LARP4B: variants seen among roughly 807,000 people sequenced by gnomAD.
The protein encoded by LARP4B is la-related protein 4B.
A neutral mutation model predicts 89.8 loss-of-function variants in LARP4B; 12 were observed. The observed-to-expected ratio is 0.13, with a 90% CI of 0.09 to 0.22. The LOEUF (loss-of-function observed/expected upper bound fraction) is 0.22, where lower values mean the gene tolerates loss of function less well. Ranked by LOEUF, LARP4B falls within the 10% of genes least tolerant of loss-of-function variation. The pLI, the probability that LARP4B is intolerant of heterozygous loss-of-function variation, is 1.00. For synonymous variants in LARP4B, 367 were observed against 363.3 expected (o/e 1.01, Z -0.12); for missense variants, 757 against 947.7 (o/e 0.80, Z 2.64).
At chr10:862,807 G>T (rs148196497) in intron 5 of LARP4B, among the ~76,000 whole-genome samples, 1 of 152,070 alleles carries the variant, frequency 6.6e-6, no homozygotes, top group East Asian at 1.9e-4. Context: ...CCAGTAACGT[G>T]TGGTACACTC....
chr10:878,765 G>C (rs1835557482), intron 3 of LARP4B, among the ~76,000 whole-genome samples: 1 of 152,174 alleles, frequency 6.6e-6, no homozygotes, highest in African/African-American at 2.4e-5. Flanking sequence ...CAGTACAACT[G>C]TTTGCATGGT....
intron 1 of LARP4B, among the ~76,000 whole-genome samples, chr10:927,203 T>A (rs780178985): frequency 6.6e-6 from 1 of 152,160 alleles, no homozygotes; most frequent in South Asian, 2.1e-4. Context: ...ATAGGAGCCA[T>A]GACAGCTTCA....
At position 825,150 on chromosome 10, in the gene LARP4B, G is replaced by C. The variant is rs1832556785; in HGVS notation, c.1399C>G (p.Pro467Ala). Reference protein sequence around the residue: ...AGQTRTRIQNPSAYAKREAGP... With the variant: ...AGQTRTRIQNASAYAKREAGP... ...GCCTCTCTCTTGGCATATGCTGAAG[G>C]GTTTTGAATCCGTGTTCTAGTTTGA... Residue 467 changes from proline to alanine, a missense_variant, in exon 13 of 18, where the codon CCT becomes GCT. This residue lies in a region of LARP4B where 387 missense variants were observed against 423.6 expected (regional missense o/e 0.91). Coordinates refer to ENST00000316157, the MANE Select transcript of LARP4B (RefSeq NM_015155.3). 6.2e-7 allele frequency: 1 copy of C among 1,614,074 alleles called. No individual in the cohort carries two copies. The highest frequency in any genetic ancestry group is 1.1e-5 in the South Asian group (1 of 91,084).
chr10:979,093 C>T, the LARP4B span, among the ~76,000 whole-genome samples: 1 of 152,184 alleles, frequency 6.6e-6, no homozygotes, highest in Non-Finnish European at 1.5e-5. Flanking sequence ...ATTCTGCATT[C>T]TGTCTATGAT....
At chr10:956,228 C>T in the LARP4B span, among the ~76,000 whole-genome samples, 18 of 152,256 alleles carry the variant, frequency 1.2e-4, no homozygotes, top group South Asian at 4.1e-4. The surrounding 1 kb of genome is among the most constrained non-coding windows in gnomAD (Gnocchi z 4.3). Flanking sequence ...TGGAGCTGGA[C>T]GGACACCACA....
chr10:969,604 C>T, the LARP4B span, among the ~76,000 whole-genome samples: 2 of 152,238 alleles, frequency 1.3e-5, no homozygotes, highest in South Asian at 4.1e-4. Context: ...GTGGCACACG[C>T]CTGTAGTCCC....
At chr10:981,796 T>C in the LARP4B span, among the ~76,000 whole-genome samples, 1 of 152,178 alleles carries the variant, frequency 6.6e-6, no homozygotes, top group Non-Finnish European at 1.5e-5. Context: ...CTTGAACTCC[T>C]GACCTCATGA....
intron 1 of LARP4B, among the ~76,000 whole-genome samples, chr10:925,835 A>G (rs1837120774): frequency 6.6e-6 from 1 of 152,182 alleles, no homozygotes; most frequent in African/African-American, 2.4e-5. Flanking sequence ...TGCCTGGCCG[A>G]AAGAGGGCAC....
At chr10:943,749 G>A in the LARP4B span, among the ~76,000 whole-genome samples, 1 of 152,174 alleles carries the variant, frequency 6.6e-6, no homozygotes, top group Non-Finnish European at 1.5e-5. Flanking sequence ...GAGGGAAGGT[G>A]CAGGGGGGCC....
At chr10:887,399 T>A (rs1835888883) in intron 1 of LARP4B, among the ~76,000 whole-genome samples, 1 of 151,500 alleles carries the variant, frequency 6.6e-6, no homozygotes, top group African/African-American at 2.4e-5. Flanking sequence ...CTATATACCT[T>A]ATGTATACAC....
intron 15 of LARP4B, 51 bp downstream of exon 15, chr10:817,674 C>G (rs369748768): frequency 6.4e-7 from 1 of 1,555,420 alleles, no homozygotes; most frequent in Non-Finnish European, 8.8e-7. Flanking sequence ...TGACACGGAA[C>G]CCGTACCTAG....
At chr10:911,008 G>A (rs577472586) in intron 1 of LARP4B, among the ~76,000 whole-genome samples, 4 of 152,316 alleles carry the variant, frequency 2.6e-5, no homozygotes, top group African/African-American at 9.6e-5. Context: ...TCAGAAGTTA[G>A]TAAATTATAC....
the LARP4B span, among the ~76,000 whole-genome samples, chr10:938,412 G>A: frequency 3.3e-5 from 5 of 151,950 alleles, no homozygotes; most frequent in South Asian, 2.1e-4. Context: ...CACCACGCCC[G>A]GCTAATTTTT....
intron 2 of LARP4B, 111 bp downstream of exon 2, chr10:885,524 TATGCAG>T: frequency 1.5e-6 from 1 of 648,716 alleles, no homozygotes; most frequent in African/African-American, 1.8e-5. Context: ...CTAATATCTG[TATGCAG>T]ATCCTAAGAT....
At chr10:954,238 C>A in the LARP4B span, among the ~76,000 whole-genome samples, 1 of 152,038 alleles carries the variant, frequency 6.6e-6, no homozygotes, top group African/African-American at 2.4e-5. This position sits in a 1 kb window ranked among gnomAD's most constrained non-coding sequence, Gnocchi z 5.0. Flanking sequence ...TTTATGGTGG[C>A]CTGTGTCCAC....
intron 1 of LARP4B, among the ~76,000 whole-genome samples, chr10:907,818 G>C (rs1399724522): frequency 1.3e-5 from 2 of 152,194 alleles, no homozygotes; most frequent in African/African-American, 4.8e-5. Context: ...GGGACTTTCA[G>C]CCCACTCCCA....
At chr10:902,966 T>G (rs1056596944) in intron 1 of LARP4B, among the ~76,000 whole-genome samples, 3 of 152,236 alleles carry the variant, frequency 2.0e-5, no homozygotes, top group Non-Finnish European at 4.4e-5. Context: ...ATACAGATGT[T>G]AAATTACCTG....
At chr10:868,039 C>T (rs568018927) in intron 3 of LARP4B, among the ~76,000 whole-genome samples, 51 of 151,986 alleles carry the variant, frequency 3.4e-4, no homozygotes, top group African/African-American at 1.2e-3. Context: ...AACCCTTCCA[C>T]CCCACCCCAT....
intron 3 of LARP4B, among the ~76,000 whole-genome samples, chr10:867,427 A>C (rs1036414061): frequency 6.6e-6 from 1 of 152,230 alleles, no homozygotes; most frequent in Non-Finnish European, 1.5e-5. Context: ...CGTTCAGCAA[A>C]ATTCAACACT....
Sources: allele counts gnomAD v4.1 joint callset (sites outside exome capture counted in the v4.1 genomes callset), GRCh38; gene constraint gnomAD v4.1.1; regional missense constraint gnomAD v4.1.1; non-coding constraint Gnocchi (gnomAD v3.1); transcripts MANE v1.5; gene names NCBI Gene and HGNC (gene_info 2026-07-23, HGNC 2026-07-21).